Variants in CTXN2 observed in about 807,000 individuals in gnomAD.
CTXN2 encodes the protein cortexin-2.
A neutral mutation model predicts 5.7 loss-of-function variants in CTXN2; 3 were observed. That is an observed-to-expected ratio of 0.53 (90% CI 0.24 to 1.36). The LOEUF is 1.36. Ranked by LOEUF, CTXN2 falls within the 40% of genes most tolerant of loss-of-function variation. The probability of loss-of-function intolerance (pLI) is 0.17; values close to 1 mark genes in which losing one functional copy is unlikely to be tolerated. For synonymous variants in CTXN2, 38 were observed against 36.4 expected (o/e 1.04, Z -0.16); for missense variants, 87 against 93.0 (o/e 0.94, Z 0.26).
At chr15:48,191,051 G>A (rs1315745411), upstream of CTXN2, 1 of 152,350 alleles carries the variant, frequency 6.6e-6, no homozygotes, top group African/African-American at 2.4e-5. Flanking sequence ...ACAGCGCCTA[G>A]GCGCCTTCTC....
At chr15:48,191,892 T>C in intron 1 of CTXN2, 39 bp downstream of exon 1, 3 of 443,522 alleles carry the variant, frequency 6.8e-6, no homozygotes, top group South Asian at 1.6e-5. Flanking sequence ...TTCTCCCCCT[T>C]CCCTCCGCAT....
chr15:48,195,608 C>A (rs1267289896), intron 1 of CTXN2, among the ~76,000 whole-genome samples: 1 of 152,044 alleles, frequency 6.6e-6, no homozygotes, highest in East Asian at 1.9e-4. Flanking sequence ...ATGCTTTTTT[C>A]TTCTTCACAG....
At chr15:48,182,861 G>T (rs1409907239) in intron 1 of CTXN2, among the ~76,000 whole-genome samples, 1 of 152,162 alleles carries the variant, frequency 6.6e-6, no homozygotes, top group Non-Finnish European at 1.5e-5. Flanking sequence ...AGGAAGAGCA[G>T]GAGTCACAAG....
At chr15:48,178,588 C>T in intron 1 of CTXN2, 1 of 254,332 alleles carries the variant, frequency 3.9e-6, no homozygotes, top group African/African-American at 2.2e-5. Context: ...GGAGTCTTCG[C>T]TTGCAAAGCG....
At chr15:48,180,954 A>G (rs193178372) in intron 1 of CTXN2, among the ~76,000 whole-genome samples, 20 of 152,344 alleles carry the variant, frequency 1.3e-4, no homozygotes, top group Non-Finnish European at 2.5e-4. Context: ...TATTACTGGT[A>G]CAACTTCACA....
chr15:48,186,046 C>T (rs1755777782), intron 1 of CTXN2, among the ~76,000 whole-genome samples: 1 of 152,138 alleles, frequency 6.6e-6, no homozygotes, highest in Non-Finnish European at 1.5e-5. Context: ...TTTAGCAGAG[C>T]AAAATAACTT....
chr15:48,201,616 G>C lies in CTXN2; in HGVS notation c.*70G>C, dbSNP rs1597389486. On this transcript the variant is annotated 3_prime_UTR_variant, in exon 2 of 2. Coordinates refer to ENST00000417307, the MANE Select transcript of CTXN2 (RefSeq NM_001145668.2). The stretch of plus-strand genomic sequence containing the variant: ...TTCTGGATACAATTGTAACTACCTT[G>C]AGGGTGTGGGAGAGAGGCTCATTTT... 22 of 1,448,130 alleles carry C rather than the reference G, an allele frequency of 1.5e-5. No individual in the cohort carries two copies. In the East Asian group the frequency reaches 5.5e-4, roughly 36 times the overall value. The allele number at this position is 1,448,130 out of a possible 1,614,324, so 89.7% of individuals were successfully genotyped here. A position where few individuals can be genotyped will look rare whatever the true frequency, so the allele number is the denominator to read the frequency against.
upstream of CTXN2, among the ~76,000 whole-genome samples, chr15:48,190,555 T>G (rs2140975655): frequency 6.6e-6 from 1 of 152,228 alleles, no homozygotes. Context: ...AATCATGAAG[T>G]TTGTCTTCAC....
At chr15:48,189,215 G>A (rs2040789213), upstream of CTXN2, 1 of 152,118 alleles carries the variant, frequency 6.6e-6, no homozygotes, top group Non-Finnish European at 1.5e-5. Context: ...AATGGGAAAC[G>A]CTAGCAACCT....
upstream of CTXN2, among the ~76,000 whole-genome samples, chr15:48,187,054 C>A (rs950891357): frequency 6.6e-6 from 1 of 151,706 alleles, no homozygotes; most frequent in Non-Finnish European, 1.5e-5. Context: ...AAATGAACTT[C>A]CAGAGATCCA....
At chr15:48,182,361 A>G (rs2040707473) in intron 1 of CTXN2, among the ~76,000 whole-genome samples, 1 of 152,244 alleles carries the variant, frequency 6.6e-6, no homozygotes, top group African/African-American at 2.4e-5. Context: ...GCCTTCAGGC[A>G]TTGCCATTGG....
At chr15:48,193,038 G>A (rs1232068797) in intron 1 of CTXN2, among the ~76,000 whole-genome samples, 1 of 152,094 alleles carries the variant, frequency 6.6e-6, no homozygotes, top group East Asian at 1.9e-4. Flanking sequence ...AACTGCTTAC[G>A]GAGATATGAT....
chr15:48,190,445 A>G (rs1178685608), upstream of CTXN2, among the ~76,000 whole-genome samples: 1 of 152,158 alleles, frequency 6.6e-6, no homozygotes, highest in Non-Finnish European at 1.5e-5. Context: ...AAATCAAAAA[A>G]CAACTTTTAA....
At chr15:48,180,493 A>T (rs890577539) in intron 1 of CTXN2, among the ~76,000 whole-genome samples, 1 of 151,928 alleles carries the variant, frequency 6.6e-6, no homozygotes, top group Non-Finnish European at 1.5e-5. Flanking sequence ...CTTCCTCTCT[A>T]CTGTTTTGGT....
upstream of CTXN2, chr15:48,191,451 T>G: frequency 4.4e-6 from 1 of 228,546 alleles, no homozygotes; most frequent in Non-Finnish European, 9.1e-6. Context: ...CTCTTTCTTT[T>G]AGCAGAACTG....
intron 1 of CTXN2, among the ~76,000 whole-genome samples, chr15:48,192,969 C>T (rs904503419): frequency 1.7e-4 from 26 of 152,234 alleles, no homozygotes; most frequent in African/African-American, 6.0e-4. Flanking sequence ...ACATCACTAA[C>T]AATATTCATG....
rs942758817 is a variant in CTXN2, at chr15:48,201,561, T to C, written c.*15T>C. The C allele has an allele frequency of 1.6e-5, 25 of 1,549,334 alleles. 1 individual carries two copies. The highest frequency in any genetic ancestry group is 4.1e-5 in the African/African-American group (3 of 72,920). Reference sequence around the variant, plus strand: ...CACTCGCGTGAGAGTTCCAGCTATATGGTTTTTATGGTTGTGCCATCGGGA... The same window carrying C: ...CACTCGCGTGAGAGTTCCAGCTATACGGTTTTTATGGTTGTGCCATCGGGA... On this transcript the variant is annotated 3_prime_UTR_variant, in exon 2 of 2. Coordinates refer to ENST00000417307, the MANE Select transcript of CTXN2 (RefSeq NM_001145668.2).
intron 1 of CTXN2, among the ~76,000 whole-genome samples, chr15:48,179,803 G>A (rs1325478347): frequency 6.6e-6 from 1 of 152,164 alleles, no homozygotes; most frequent in East Asian, 1.9e-4. Context: ...GACAAGCCAA[G>A]TGATTTTTCC....
intron 1 of CTXN2, among the ~76,000 whole-genome samples, chr15:48,196,169 GCAGCTTA>G (rs1342433358): frequency 6.6e-6 from 1 of 152,030 alleles, no homozygotes; most frequent in East Asian, 1.9e-4. Flanking sequence ...TTGACTAATT[GCAGCTTA>G]CAGATTTATT....
Sources: gnomAD v4.1 joint callset for allele counts (sites outside exome capture counted in the v4.1 genomes callset) on GRCh38, gnomAD v4.1.1 for gene constraint, MANE v1.5 for transcripts, NCBI Gene and HGNC (gene_info 2026-07-23, HGNC 2026-07-21) for gene names.